DACH2: variants seen among roughly 807,000 people sequenced by gnomAD.
DACH2 encodes dachshund homolog 2.
In DACH2, 17 loss-of-function variants were observed where a neutral mutation model predicts 35.8. The observed-to-expected ratio is 0.48, with a 90% confidence interval of 0.33 to 0.71. DACH2 has a LOEUF of 0.71. DACH2 is among the 30% of genes least tolerant of loss of function. The probability of loss-of-function intolerance (pLI) is 0.02; values close to 1 mark genes in which losing one functional copy is unlikely to be tolerated. For synonymous variants in DACH2, 195 were observed against 177.3 expected, an observed-to-expected ratio of 1.10 and a Z score of -0.79; for missense variants, 469 against 472.7, an observed-to-expected ratio of 0.99 and a Z score of 0.07.
At chrX:86,469,944 T>A (rs767647526) in intron 2 of DACH2, among the ~76,000 whole-genome samples, 1 of 110,653 alleles carries the variant, frequency 9.0e-6, no homozygotes, top group East Asian at 2.8e-4. Context: ...AATAAATATT[T>A]GCCATATCCA....
At chrX:86,387,717 G>A (rs2036141544) in intron 2 of DACH2, among the ~76,000 whole-genome samples, 1 of 111,940 alleles carries the variant, frequency 8.9e-6, no homozygotes, top group Non-Finnish European at 1.9e-5. Flanking sequence ...TGTCTCTTTA[G>A]TATCTAGCAT....
intron 3 of DACH2, among the ~76,000 whole-genome samples, chrX:86,531,274 G>A (rs1034640385): frequency 2.7e-5 from 3 of 111,859 alleles, no homozygotes; most frequent in Non-Finnish European, 5.6e-5. Context: ...GAGTAACAAG[G>A]AGCCCAATGT....
At chrX:86,223,175 A>T (rs1240630674) in intron 1 of DACH2, among the ~76,000 whole-genome samples, 1 of 111,932 alleles carries the variant, frequency 8.9e-6, no homozygotes, top group Non-Finnish European at 1.9e-5. Context: ...AAACAGTAAG[A>T]GCTCATTAAT....
chrX:86,308,240 A>C (rs1473488733), intron 1 of DACH2, among the ~76,000 whole-genome samples: 2 of 112,764 alleles, frequency 1.8e-5, no homozygotes, highest in Non-Finnish European at 3.7e-5. Flanking sequence ...TTTTCTGCAT[A>C]TTAGGTTCCC....
chrX:86,646,820 T>C (rs1021267280), intron 3 of DACH2, among the ~76,000 whole-genome samples: 1 of 108,641 alleles, frequency 9.2e-6, no homozygotes, highest in African/African-American at 3.4e-5. Flanking sequence ...TTATACATCC[T>C]AAATATATTT....
In DACH2 at chrX:86,814,555, C is replaced by T. The variant is rs5967761; in HGVS notation, c.1538-133C>T. 1.6e-3 allele frequency: 1,056 copies of T among 658,078 alleles called. 9 individuals carry two copies. The African/African-American group carries it at 0.02, about 12-fold the overall frequency. 54.2% of individuals were successfully genotyped at this position (658,078 alleles called of 1,213,427 possible). ...CTAATGAGCATTAGTACCAAAAGAA[C>T]GCTAATCATATGTCAAGTGAAATAT... On this transcript the variant is annotated intron_variant, in intron 9 of 11. Transcript: ENST00000373125.
chrX:86,235,026 T>C (rs910888949), intron 1 of DACH2, among the ~76,000 whole-genome samples: 1 of 112,053 alleles, frequency 8.9e-6, no homozygotes, highest in Non-Finnish European at 1.9e-5. Context: ...ACATTCCATT[T>C]AGTTGTCATG....
chrX:86,429,460 G>A (rs1404728419), intron 2 of DACH2, among the ~76,000 whole-genome samples: 1 of 111,959 alleles, frequency 8.9e-6, no homozygotes, highest in Non-Finnish European at 1.9e-5. Flanking sequence ...TTGGGAGGAT[G>A]AAGAAGTTGT....
intron 3 of DACH2, among the ~76,000 whole-genome samples, chrX:86,591,094 A>G (rs1405227972): frequency 1.8e-5 from 2 of 110,737 alleles, no homozygotes; most frequent in Admixed American, 9.7e-5. Flanking sequence ...TCCTTGTGAT[A>G]GTTTGCTGAG....
chrX:86,746,125 T>C (rs1463053064), intron 7 of DACH2, among the ~76,000 whole-genome samples: 2 of 112,072 alleles, frequency 1.8e-5, no homozygotes, highest in Admixed American at 1.9e-4. Context: ...ATTGCATGGA[T>C]ACATCATATT....
chrX:86,329,227 G>A (rs2035168830), intron 1 of DACH2, among the ~76,000 whole-genome samples: 1 of 110,928 alleles, frequency 9.0e-6, no homozygotes, highest in South Asian at 3.9e-4. Context: ...GTATACTTTG[G>A]TATCCGTAAA....
intron 7 of DACH2, among the ~76,000 whole-genome samples, chrX:86,804,897 G>T (rs1009622148): frequency 8.9e-6 from 1 of 112,102 alleles, no homozygotes; most frequent in Admixed American, 9.4e-5. Context: ...TGCTTTGCAG[G>T]GTTCAACCTC....
intron 2 of DACH2, among the ~76,000 whole-genome samples, chrX:86,391,034 A>C (rs1418455759): frequency 9.2e-6 from 1 of 109,267 alleles, no homozygotes; most frequent in Non-Finnish European, 1.9e-5. Flanking sequence ...TAATCCCAGC[A>C]CTTTGGGAGG....
intron 2 of DACH2, among the ~76,000 whole-genome samples, chrX:86,411,080 C>T (rs1005036994): frequency 1.0e-4 from 8 of 77,162 alleles, no homozygotes; most frequent in Admixed American, 3.6e-4. Flanking sequence ...TTAACTTACA[C>T]GATCACAGGG....
At chrX:86,617,277 A>T (rs1396216248) in intron 3 of DACH2, among the ~76,000 whole-genome samples, 2 of 110,629 alleles carry the variant, frequency 1.8e-5, no homozygotes, top group Non-Finnish European at 3.8e-5. Context: ...TTCCATACGA[A>T]TTCTAAAATA....
At chrX:86,288,281 G>A (rs112515564) in intron 1 of DACH2, among the ~76,000 whole-genome samples, 2,629 of 53,972 alleles carry the variant, frequency 0.049, 76 homozygotes, top group African/African-American at 0.22. Context: ...AGCTAGAGGT[G>A]GAGTGACAAC....
chrX:86,418,364 A>T (rs1223619210), intron 2 of DACH2, among the ~76,000 whole-genome samples: 1 of 112,100 alleles, frequency 8.9e-6, no homozygotes, highest in African/African-American at 3.2e-5. Context: ...GAAGTTCTCC[A>T]TGAGAACCCT....
chrX:86,616,033 C>A (rs886375420), intron 3 of DACH2, among the ~76,000 whole-genome samples: 1 of 111,132 alleles, frequency 9.0e-6, no homozygotes, highest in African/African-American at 3.3e-5. Context: ...GGTATTCGTT[C>A]TGTTTCTACA....
intron 7 of DACH2, among the ~76,000 whole-genome samples, chrX:86,802,528 GAAAAAAAAAAAAA>G (rs34700295): frequency 4.7e-5 from 3 of 63,179 alleles, no homozygotes; most frequent in African/African-American, 1.1e-4. Flanking sequence ...TTTCTTGGTT[GAAAAAAAAAAAAA>G]AAAAAAAAAA....
Sources: gnomAD v4.1 joint callset for allele counts (sites outside exome capture counted in the v4.1 genomes callset) on GRCh38, gnomAD v4.1.1 for gene constraint, MANE v1.5 for transcripts, NCBI Gene and HGNC (gene_info 2026-07-23, HGNC 2026-07-21) for gene names.